Variants in XRCC6 observed in about 807,000 individuals in gnomAD.
XRCC6 encodes X-ray repair cross complementing 6.
Under a neutral mutation model 65.7 loss-of-function variants are expected in XRCC6, and 5 were observed. That is an observed-to-expected ratio of 0.08 (90% confidence interval 0.04 to 0.16). The LOEUF (loss-of-function observed/expected upper bound fraction) is 0.16, where lower values mean the gene tolerates loss of function less well. Among genes scored for constraint, XRCC6 ranks in the 10% least tolerant of loss-of-function variants. XRCC6 has a pLI of 1.00. For synonymous variants in XRCC6, 270 were observed against 270.6 expected (o/e 1.00, Z 0.02); for missense variants, 447 against 738.1 (o/e 0.61, Z 4.57).
In XRCC6 at chr22:41,637,915, A is replaced by G. The variant is rs529821021; in HGVS notation, c.773+124A>G. ...CAAGGCAGGCGGATTGCTTGAGCCT[A>G]GGAGTTGAGACCAGCTTGGGCAACA... On this transcript the variant is annotated intron_variant, in intron 6 of 12. Coordinates refer to ENST00000360079, the MANE Select transcript of XRCC6 (RefSeq NM_001469.5). 1.3e-5 allele frequency: 13 copies of G among 1,015,592 alleles called. No homozygotes were observed. In the East Asian group the frequency reaches 3.5e-4, roughly 27 times the overall value. 62.9% of individuals were successfully genotyped at this position (1,015,592 alleles called of 1,614,324 possible).
rs746696410 is a variant in XRCC6, at chr22:41,657,046, A to G, written c.1421+14A>G. 1.3e-6 allele frequency: 2 copies of G among 1,552,968 alleles called. No individual in the cohort carries two copies. Among genetic ancestry groups the G allele is most frequent in the South Asian group, 2.5e-5 (2 of 81,152 alleles). ...CTTCACATACAGGTGAGTCAATCTC[A>G]GGCTTTCTGGAACTGCCTCCTGAGT... is the stretch of plus-strand genomic sequence containing the variant. On this transcript the variant is annotated intron_variant, in intron 10 of 12. Transcript: ENST00000360079.
At position 41,636,815 on chromosome 22, in the gene XRCC6, TTTTTTTA is replaced by T. The variant is rs1331394698; in HGVS notation, c.589+59_589+65del. Reference sequence around the variant, plus strand: ...CTCTTAAATTGGCACTTAATTATTGTTTTTTTATTTTTTATTTTTTTAGGAGTTCAGG... The same window carrying T: ...CTCTTAAATTGGCACTTAATTATTGTTTTTTTATTTTTTTAGGAGTTCAGG... On this transcript the variant is annotated intron_variant, in intron 5 of 12. Coordinates refer to ENST00000360079, the MANE Select transcript of XRCC6 (RefSeq NM_001469.5). 3.2e-6 allele frequency: 5 copies of T among 1,582,782 alleles called. No individual in the cohort carries two copies. The African/African-American group carries it at 4.1e-5, about 13-fold the overall frequency.
intron 2 of XRCC6, among the ~76,000 whole-genome samples, chr22:41,624,971 T>G (rs1475995098): frequency 1.3e-5 from 2 of 151,988 alleles, no homozygotes; most frequent in East Asian, 1.9e-4. Flanking sequence ...CTCTCCAGCC[T>G]GGGCGACAGA....
At chr22:41,623,781 C>T (rs1182734192) in intron 2 of XRCC6, among the ~76,000 whole-genome samples, 1 of 152,098 alleles carries the variant, frequency 6.6e-6, no homozygotes, top group East Asian at 1.9e-4. Context: ...AGTGCACTGA[C>T]TCAATCTCGG....
At chr22:41,637,582 C>T in intron 5 of XRCC6, 26 bp from the exon 6 acceptor site, 1 of 1,515,160 alleles carries the variant, frequency 6.6e-7, no homozygotes, top group South Asian at 1.3e-5. Context: ...TTTTTCCTCC[C>T]TCACTTTTGT....
At chr22:41,650,651 G>A in intron 7 of XRCC6, 72 bp from the exon 8 acceptor site, 2 of 1,517,926 alleles carry the variant, frequency 1.3e-6, no homozygotes, top group South Asian at 1.2e-5. Flanking sequence ...ACTTGCTAGT[G>A]TCATCATCTT....
At chr22:41,653,016 T>G (rs1168106150) in intron 8 of XRCC6, among the ~76,000 whole-genome samples, 1 of 152,154 alleles carries the variant, frequency 6.6e-6, no homozygotes, top group Non-Finnish European at 1.5e-5. Flanking sequence ...TCTAAACCTC[T>G]TATTCCTTTT....
chr22:41,633,052 G>T (rs184909925), intron 3 of XRCC6, among the ~76,000 whole-genome samples: 126 of 152,176 alleles, frequency 8.3e-4, no homozygotes, highest in African/African-American at 2.9e-3. Flanking sequence ...GCTTGCACCT[G>T]GGAGGCAGAG....
intron 3 of XRCC6, among the ~76,000 whole-genome samples, chr22:41,633,761 A>G (rs1215017561): frequency 6.6e-6 from 1 of 152,188 alleles, no homozygotes; most frequent in Non-Finnish European, 1.5e-5. Flanking sequence ...TCTACCTGTA[A>G]TTTCAGAGAG....
At chr22:41,661,213 C>A in intron 11 of XRCC6, 118 bp from the exon 12 acceptor site, 2 of 798,206 alleles carry the variant, frequency 2.5e-6, no homozygotes, top group Non-Finnish European at 2.1e-6. Flanking sequence ...TTTCCCTAGA[C>A]CCCTCCCACC....
intron 3 of XRCC6, among the ~76,000 whole-genome samples, chr22:41,633,704 T>C (rs2067781139): frequency 6.6e-6 from 1 of 152,096 alleles, no homozygotes; most frequent in African/African-American, 2.4e-5. Flanking sequence ...TTTGAGGATA[T>C]GATGACAGCT....
At position 41,632,230 on chromosome 22, in the gene XRCC6, T is replaced by C. The variant is rs2067763369; in HGVS notation, c.196-3883T>C. On this transcript the variant is annotated intron_variant, in intron 3 of 12. Coordinates refer to ENST00000360079, the MANE Select transcript of XRCC6 (RefSeq NM_001469.5). ...TTTGTGTACTTCGTAGAGAAGAATT[T>C]TCACAGATTTATTATATATCTCATG... Among the ~76,000 whole-genome samples the C allele has an allele frequency of 2.0e-5, 3 of 152,230 alleles. No individual in the cohort carries two copies. The South Asian group carries it at 6.2e-4, about 31-fold the overall frequency.
At position 41,636,598 on chromosome 22, in the gene XRCC6, T is replaced by G. The variant is rs1266605934; in HGVS notation, c.417T>G (p.Ser139=). The change falls in exon 5 of 13, where the codon TCT becomes TCG. Residue 139 remains serine, a synonymous_variant. Coordinates refer to ENST00000360079, the MANE Select transcript of XRCC6 (RefSeq NM_001469.5). ...KRFQDMMGHG[S]DYSLSEVLWV... ...TCCAAGACATGATGGGCCACGGATC[T>G]GACTACTCACTCAGTGAAGTGCTGT... The G allele has an allele frequency of 6.2e-7, 1 of 1,613,988 alleles. No homozygotes were observed. The highest frequency in any genetic ancestry group is 1.3e-5 in the African/African-American group (1 of 74,932).
chr22:41,657,490 TTTATTATTA>T (rs138171458), intron 10 of XRCC6, among the ~76,000 whole-genome samples: 81,206 of 138,074 alleles, frequency 0.59, 25,237 homozygotes, highest in East Asian at 0.79. Context: ...TTTTTAAAAA[TTTATTATTA>T]TTATTATTAT....
At position 41,636,603 on chromosome 22, in the gene XRCC6, A is replaced by C; in HGVS notation, c.422A>C (p.Tyr141Ser). 1.2e-6 allele frequency: 2 copies of C among 1,613,996 alleles called. No individual in the cohort carries two copies. Among genetic ancestry groups the C allele is most frequent in the Non-Finnish European group, 1.7e-6 (2 of 1,179,968 alleles). The change falls in exon 5 of 13, where the codon TAC (tyrosine) becomes TCC (serine). Residue 141 changes from tyrosine (Y) to serine (S), a missense_variant. Tyr to Ser is a moderately radical substitution (Grantham distance 144). This residue lies in a region of XRCC6 where 228 missense variants were observed against 307.4 expected (regional missense o/e 0.74). Transcript: ENST00000360079. Reference sequence around the variant, plus strand: ...GACATGATGGGCCACGGATCTGACTACTCACTCAGTGAAGTGCTGTGGGTC... The same window carrying C: ...GACATGATGGGCCACGGATCTGACTCCTCACTCAGTGAAGTGCTGTGGGTC... Reference protein sequence around the residue: ...FQDMMGHGSDYSLSEVLWVCA... With the variant: ...FQDMMGHGSDSSLSEVLWVCA...
intron 2 of XRCC6, among the ~76,000 whole-genome samples, chr22:41,626,253 C>T (rs957020886): frequency 7.3e-5 from 11 of 151,670 alleles, no homozygotes; most frequent in African/African-American, 2.7e-4. Context: ...AGCGATTCTC[C>T]CACCTCAGCC....
rs182494587 is a variant in XRCC6 at position 41,645,490 on chromosome 22, C to T, written c.774-1406C>T. On this transcript the variant is annotated intron_variant, in intron 6 of 12. Transcript: ENST00000360079. ...CCTTTCATGGCCACTGCTCAGAGAC[C>T]CCGACTCTCAGATGAGAACGTCCTA... Among the ~76,000 whole-genome samples, 273 of 151,968 alleles carry T rather than the reference C, an allele frequency of 1.8e-3. 3 individuals are homozygous for T. The highest frequency in any genetic ancestry group is 6.2e-3 in the African/African-American group (257 of 41,454).
At chr22:41,651,782 TTATTTA>T (rs893230195) in intron 8 of XRCC6, among the ~76,000 whole-genome samples, 9 of 150,814 alleles carry the variant, frequency 6.0e-5, no homozygotes, top group Admixed American at 4.0e-4. Flanking sequence ...GCACCTGGCC[TTATTTA>T]TATTTATATT....
chr22:41,655,099 G>A (rs2068032714), intron 9 of XRCC6, among the ~76,000 whole-genome samples: 1 of 152,104 alleles, frequency 6.6e-6, no homozygotes, highest in African/African-American at 2.4e-5. Flanking sequence ...TCAGTATTGC[G>A]GTGCTTGTGT....
Sources: gnomAD v4.1 joint callset for allele counts (sites outside exome capture counted in the v4.1 genomes callset) on GRCh38, gnomAD v4.1.1 for gene constraint, gnomAD v4.1.1 regional missense constraint, MANE v1.5 for transcripts, NCBI Gene and HGNC (gene_info 2026-07-23, HGNC 2026-07-21) for gene names.